The following TENM4 variants were observed in gnomAD, a reference collection of about 807,000 sequenced individuals.
The protein encoded by TENM4 is teneurin-4.
A neutral mutation model predicts 243.3 loss-of-function variants in TENM4; 82 were observed. The observed-to-expected ratio is 0.34, with a 90% CI of 0.28 to 0.40. The LOEUF (loss-of-function observed/expected upper bound fraction) is 0.40. Among genes scored for constraint, TENM4 ranks in the 10% least tolerant of loss-of-function variants. The pLI, the probability that TENM4 is intolerant of heterozygous loss-of-function variation, is 1.00. For synonymous variants in TENM4, 1,412 were observed against 1,456.3 expected, an observed-to-expected ratio of 0.97 and a Z score of 0.69; for missense variants, 3,138 against 3,673.3, an observed-to-expected ratio of 0.85 and a Z score of 3.77.
rs565330926 is a variant in TENM4, at chr11:79,129,383, T to C, written c.-66+19327A>G. ...GGGTGAGAAGGCTCCTGGCCAGAAC[T>C]TGGGGGAGGGCACAAATCTGGTGTG... On this transcript the variant is annotated intron_variant, in intron 4 of 33. Transcript: ENST00000278550. Among the ~76,000 whole-genome samples the C allele has an allele frequency of 3.3e-5, 5 of 152,170 alleles. No homozygotes were observed. In the South Asian group the frequency reaches 8.3e-4, roughly 25 times the overall value.
In TENM4 at chr11:78,669,240, C is replaced by T. The variant is rs199956990; in HGVS notation, c.7105G>A (p.Val2369Ile). ...ACDNIGTPLAVFSGTGLMIKQ... is the reference protein window; with the variant it reads ...ACDNIGTPLAIFSGTGLMIKQ... Reference sequence around the variant, plus strand: ...ATCATCAAACCTGTTCCACTAAAGACAGCAAGAGGGGTCCCGATGTTGTCA... The same window carrying T: ...ATCATCAAACCTGTTCCACTAAAGATAGCAAGAGGGGTCCCGATGTTGTCA... The change falls in exon 32 of 34, where the codon GTC becomes ATC. Residue 2369 changes from valine (V) to isoleucine (I), a missense_variant. By Grantham distance (29) the Val-to-Ile change is conservative (BLOSUM62 3). This residue lies in a region of TENM4 where 2,467 missense variants were observed against 3,059.1 expected (regional missense o/e 0.81). Transcript: ENST00000278550. This position sits in a 1 kb window ranked among gnomAD's most constrained non-coding sequence, Gnocchi z 6.4. 5 of 1,613,994 alleles carry T rather than the reference C, an allele frequency of 3.1e-6. No individual in the cohort carries two copies. In the African/African-American group the frequency reaches 4.0e-5, roughly 13 times the overall value.
intron 12 of TENM4, among the ~76,000 whole-genome samples, chr11:78,829,620 G>A (rs1470811906): frequency 6.6e-6 from 1 of 152,136 alleles, no homozygotes; most frequent in Non-Finnish European, 1.5e-5. Context: ...ATGAGACTCT[G>A]GGGGTTCTAA....
chr11:78,840,963 T>C (rs1858244950), intron 12 of TENM4, among the ~76,000 whole-genome samples: 1 of 152,198 alleles, frequency 6.6e-6, no homozygotes. Context: ...CTTTCCCAGG[T>C]CTATTACAAA....
intron 10 of TENM4, among the ~76,000 whole-genome samples, chr11:78,859,204 C>G (rs1193032407): frequency 1.3e-5 from 2 of 152,034 alleles, no homozygotes; most frequent in African/African-American, 2.4e-5. Flanking sequence ...TCCTAGGGTA[C>G]AAAAAGATCA....
intron 6 of TENM4, among the ~76,000 whole-genome samples, chr11:79,004,941 C>CAAAAA (rs58631195): frequency 2.3e-5 from 2 of 87,802 alleles, no homozygotes; most frequent in African/African-American, 3.8e-5. Context: ...ATAGAAATAC[C>CAAAAA]AAAAAAAAAA....
At chr11:78,687,429 T>C (rs1858712718) in intron 29 of TENM4, among the ~76,000 whole-genome samples, 1 of 152,196 alleles carries the variant, frequency 6.6e-6, no homozygotes, top group Admixed American at 6.5e-5. Context: ...TCCCTGGTGA[T>C]GGCTTCTTTC....
chr11:78,863,057 G>A lies in TENM4; in HGVS notation c.1160C>T (p.Ala387Val). Residue 387 changes from alanine (A) to valine (V), a missense_variant, in exon 10 of 34, where the codon GCC becomes GTC. Ala to Val is a moderately conservative substitution (Grantham distance 64). This residue lies in a region of TENM4 where 671 missense variants were observed against 614.1 expected (regional missense o/e 1.09). Transcript: ENST00000278550. ...GQMYEITEDT[A>V]SSWPVPTDVS... ...GTCGGTTGGCACAGGCCAACTGCTG[G>A]CTGTGTCCTCCGTGATCTCATACAT... is the stretch of plus-strand genomic sequence containing the variant. 6.5e-7 allele frequency: 1 copy of A among 1,538,430 alleles called. No homozygotes were observed. Among genetic ancestry groups the A allele is most frequent in the African/African-American group, 1.4e-5 (1 of 72,970 alleles).
chr11:79,310,576 G>A (rs997704818), intron 1 of TENM4, among the ~76,000 whole-genome samples: 9 of 152,222 alleles, frequency 5.9e-5, no homozygotes, highest in African/African-American at 2.2e-4. Context: ...GAGAAGGCAG[G>A]ACTGAATCTA....
At chr11:78,873,194 A>G (rs1308336179) in intron 9 of TENM4, among the ~76,000 whole-genome samples, 3 of 152,124 alleles carry the variant, frequency 2.0e-5, no homozygotes, top group African/African-American at 7.2e-5. Flanking sequence ...GGAGCAAGGC[A>G]CTCATATGTG....
At chr11:78,890,157 G>A (rs1855630638) in intron 8 of TENM4, 137 bp from the exon 9 acceptor site, 2 of 663,982 alleles carry the variant, frequency 3.0e-6, no homozygotes, top group African/African-American at 1.8e-5. Context: ...AGAGACCTGG[G>A]AAAGGACAGG....
At chr11:79,208,727 C>T (rs902784177) in intron 3 of TENM4, among the ~76,000 whole-genome samples, 1 of 152,196 alleles carries the variant, frequency 6.6e-6, no homozygotes, top group Non-Finnish European at 1.5e-5. Flanking sequence ...TGTGAAATGC[C>T]TAGCACGGTG....
chr11:79,098,735 C>T lies in TENM4; in HGVS notation c.-65-28726G>A, dbSNP rs578000905. Among the ~76,000 whole-genome samples, 8 of 152,316 alleles carry T rather than the reference C, an allele frequency of 5.3e-5. No homozygotes were observed. In the South Asian group the frequency reaches 1.0e-3, roughly 20 times the overall value. On this transcript the variant is annotated intron_variant, in intron 4 of 33. Coordinates refer to ENST00000278550, the MANE Select transcript of TENM4 (RefSeq NM_001098816.3). Reference sequence around the variant, plus strand: ...GGTCTTCTCTGGGGCTCAGACCTTCCGTCTGGAAAATGAGGCTAATGAGTC... The same window carrying T: ...GGTCTTCTCTGGGGCTCAGACCTTCTGTCTGGAAAATGAGGCTAATGAGTC...
At chr11:79,283,249 CAA>C (rs1491031501) in intron 2 of TENM4, among the ~76,000 whole-genome samples, 15 of 143,816 alleles carry the variant, frequency 1.0e-4, no homozygotes, top group African/African-American at 3.3e-4. Flanking sequence ...CACACACACA[CAA>C]GTACAGATGA....
chr11:79,385,098 A>G (rs1027707308), intron 1 of TENM4, among the ~76,000 whole-genome samples: 2 of 152,172 alleles, frequency 1.3e-5, no homozygotes, highest in Non-Finnish European at 2.9e-5. Flanking sequence ...TTGGAGAGAA[A>G]GAAAGGCTAG....
At chr11:78,976,224 C>T (rs1857651725) in intron 6 of TENM4, among the ~76,000 whole-genome samples, 1 of 149,992 alleles carries the variant, frequency 6.7e-6, no homozygotes, top group Non-Finnish European at 1.5e-5. Flanking sequence ...CCAGCCTAGG[C>T]CTCCTGAGCC....
intron 4 of TENM4, among the ~76,000 whole-genome samples, chr11:79,084,819 G>A (rs568187153): frequency 6.6e-6 from 1 of 152,192 alleles, no homozygotes; most frequent in Admixed American, 6.5e-5. Flanking sequence ...CTACACATGT[G>A]ATAAAATAGT....
At chr11:78,944,061 C>T (rs1023422557) in intron 6 of TENM4, among the ~76,000 whole-genome samples, 11 of 152,166 alleles carry the variant, frequency 7.2e-5, no homozygotes, top group East Asian at 5.8e-4. Context: ...GCCACCAGAG[C>T]AGCTGGTTTT....
intron 6 of TENM4, among the ~76,000 whole-genome samples, chr11:79,021,211 C>T (rs577406110): frequency 6.6e-6 from 1 of 152,322 alleles, no homozygotes; most frequent in Admixed American, 6.5e-5. Flanking sequence ...TTCTAAGTCT[C>T]TTCTCAAGAA....
At chr11:79,347,412 G>T (rs1279598415) in intron 1 of TENM4, among the ~76,000 whole-genome samples, 1 of 152,186 alleles carries the variant, frequency 6.6e-6, no homozygotes, top group Non-Finnish European at 1.5e-5. Context: ...AAGGCTATAA[G>T]GCTGGCTGAC....
Sources: gnomAD v4.1 joint callset for allele counts (sites outside exome capture counted in the v4.1 genomes callset) on GRCh38, gnomAD v4.1.1 for gene constraint, gnomAD v4.1.1 regional missense constraint, Gnocchi (gnomAD v3.1) non-coding constraint, MANE v1.5 for transcripts, NCBI Gene and HGNC (gene_info 2026-07-23, HGNC 2026-07-21) for gene names.